Variants in TEKT5 observed in about 807,000 individuals in gnomAD.
The protein encoded by TEKT5 is tektin 5, also known as tektin-5.
TEKT5 carries 52 observed loss-of-function variants against 48.7 expected under a neutral mutation model. The ratio of observed to expected loss-of-function variants is 1.07; its 90% CI spans 0.86 to 1.35. The LOEUF (loss-of-function observed/expected upper bound fraction) is 1.35, where lower values mean the gene tolerates loss of function less well. TEKT5 is among the 40% of genes most tolerant of loss of function. The pLI is 0.00. For missense variants in TEKT5, 831 were observed against 641.6 expected, an observed-to-expected ratio of 1.30 and a Z score of -3.19; for synonymous variants, 318 against 267.6, an observed-to-expected ratio of 1.19 and a Z score of -1.84.
At chr16:10,660,258 C>A (rs1260838358) in intron 5 of TEKT5, among the ~76,000 whole-genome samples, 2 of 152,172 alleles carry the variant, frequency 1.3e-5, no homozygotes, top group African/African-American at 2.4e-5. Flanking sequence ...GGGCTCTCCT[C>A]AGTCTTTGGA....
chr16:10,676,189 G>A lies in TEKT5; in HGVS notation c.864-8C>T, dbSNP rs777066325. The A allele has an allele frequency of 6.2e-7, 1 of 1,613,818 alleles. No individual in the cohort carries two copies. Among genetic ancestry groups the A allele is most frequent in the African/African-American group, 1.3e-5 (1 of 74,930 alleles). On this transcript the variant is annotated splice_region_variant and splice_polypyrimidine_tract_variant and intron_variant, in intron 4 of 6. Coordinates refer to ENST00000283025, the MANE Select transcript of TEKT5 (RefSeq NM_144674.2). ...GTCTCAGGTACGGAGATCCTGCAAA[G>A]GCACAAGGGTGAGTTGCAGCAGTCC... is the stretch of plus-strand genomic sequence containing the variant.
In TEKT5 at chr16:10,632,869, G is replaced by GACACACACACACACACAC. The variant is rs35503579; in HGVS notation, c.1241+2877_1241+2894dup. On this transcript the variant is annotated intron_variant, in intron 6 of 6. Transcript: ENST00000283025. ...CCAAAACACAACATACACAGATGCA[G>GACACACACACACACACAC]ACACACACACACACACACACACACA... 3.9e-4 allele frequency among the ~76,000 whole-genome samples: 52 copies of GACACACACACACACACAC among 131,722 alleles called. 2 individuals carry two copies. Among genetic ancestry groups the GACACACACACACACACAC allele is most frequent in the East Asian group, 2.0e-3 (9 of 4,446 alleles). 86.4% of individuals were successfully genotyped at this position (131,722 alleles called of 152,430 possible).
chr16:10,630,125 G>A (rs1473114163), intron 6 of TEKT5, among the ~76,000 whole-genome samples: 1 of 151,612 alleles, frequency 6.6e-6, no homozygotes, highest in Non-Finnish European at 1.5e-5. Context: ...GTAGAGACAG[G>A]GTTTCACCAT....
intron 4 of TEKT5, among the ~76,000 whole-genome samples, chr16:10,679,702 C>T (rs977709364): frequency 1.3e-5 from 2 of 151,940 alleles, no homozygotes; most frequent in Non-Finnish European, 2.9e-5. Context: ...TGAGACCAGC[C>T]TGACCAACAT....
chr16:10,676,151 G>A lies in TEKT5; in HGVS notation c.894C>T (p.Phe298=), dbSNP rs1327797377. 1 of 1,614,212 alleles carries A rather than the reference G, an allele frequency of 6.2e-7. No individual in the cohort carries two copies. The highest frequency in any genetic ancestry group is 1.1e-5 in the South Asian group (1 of 91,078). ...TISVPETWAK[F]SNDNIKHSQN... Reference sequence around the variant, plus strand: ...GAGAGTGTTTGATGTTGTCGTTACTGAACTTGGCCCAGGTCTCAGGTACGG... The same window carrying A: ...GAGAGTGTTTGATGTTGTCGTTACTAAACTTGGCCCAGGTCTCAGGTACGG... The change falls in exon 5 of 7, where the codon TTC becomes TTT. Residue 298 remains phenylalanine (F), a synonymous_variant. Coordinates refer to ENST00000283025, the MANE Select transcript of TEKT5 (RefSeq NM_144674.2).
At chr16:10,637,664 A>G (rs947625903) in intron 5 of TEKT5, among the ~76,000 whole-genome samples, 9 of 152,278 alleles carry the variant, frequency 5.9e-5, no homozygotes, top group African/African-American at 2.2e-4. Flanking sequence ...ATAAACATAG[A>G]TGAAAATTCA....
intron 4 of TEKT5, among the ~76,000 whole-genome samples, chr16:10,677,969 A>T (rs779690470): frequency 6.6e-6 from 1 of 152,190 alleles, no homozygotes; most frequent in Non-Finnish European, 1.5e-5. Flanking sequence ...GCAGGCAGGG[A>T]AGGCTTCTTA....
intron 3 of TEKT5, among the ~76,000 whole-genome samples, chr16:10,688,689 T>C (rs988324953): frequency 1.3e-5 from 2 of 152,148 alleles, no homozygotes. Flanking sequence ...AAAACTTAAG[T>C]CTCCCTTTAA....
intron 5 of TEKT5, among the ~76,000 whole-genome samples, chr16:10,648,651 A>C (rs1311037161): frequency 6.6e-6 from 1 of 152,136 alleles, no homozygotes; most frequent in Admixed American, 6.6e-5. Context: ...TGGTTTTTAG[A>C]TAAGAGAAAT....
At chr16:10,628,014 A>ATT (rs5815592) in intron 6 of TEKT5, among the ~76,000 whole-genome samples, 43 of 147,684 alleles carry the variant, frequency 2.9e-4, no homozygotes, top group African/African-American at 5.2e-4. Flanking sequence ...TAATTTTTGT[A>ATT]TTTTTTTTTT....
chr16:10,668,490 G>A (rs928367648), intron 5 of TEKT5, among the ~76,000 whole-genome samples: 1 of 152,136 alleles, frequency 6.6e-6, no homozygotes, highest in Non-Finnish European at 1.5e-5. Context: ...GGAAGGAATC[G>A]GCTGCAAAGC....
At chr16:10,677,474 G>C (rs1898668750) in intron 4 of TEKT5, among the ~76,000 whole-genome samples, 1 of 146,410 alleles carries the variant, frequency 6.8e-6, no homozygotes, top group African/African-American at 2.7e-5. Context: ...GCCGGGTGTG[G>C]TGGCACACGC....
At chr16:10,634,413 C>T (rs1486913442) in intron 6 of TEKT5, among the ~76,000 whole-genome samples, 4 of 152,160 alleles carry the variant, frequency 2.6e-5, no homozygotes, top group African/African-American at 4.8e-5. Context: ...CTATGAAACC[C>T]GGTGAGCACA....
At chr16:10,669,627 G>A (rs1482317279) in intron 5 of TEKT5, among the ~76,000 whole-genome samples, 2 of 152,132 alleles carry the variant, frequency 1.3e-5, no homozygotes, top group Non-Finnish European at 2.9e-5. Flanking sequence ...TCACCTGCCA[G>A]GGTCTAGTTC....
intron 6 of TEKT5, among the ~76,000 whole-genome samples, chr16:10,628,962 T>G (rs1022396757): frequency 1.2e-4 from 18 of 148,716 alleles, no homozygotes; most frequent in African/African-American, 4.2e-4. Flanking sequence ...TGAATGAACC[T>G]TGAAAAACAT....
Position 10,658,727 on chromosome 16 carries a change from T to TC in TEKT5, c.1086+17231_1086+17232insG, listed in dbSNP as rs1555466064. Among the ~76,000 whole-genome samples the TC allele has an allele frequency of 9.7e-3, 1,393 of 143,186 alleles. 32 individuals are homozygous for TC. Among genetic ancestry groups the TC allele is most frequent in the African/African-American group, 0.031 (1,183 of 38,014 alleles). The allele number at this position is 143,186 out of a possible 152,430, so 93.9% of individuals were successfully genotyped here. A position where few individuals can be genotyped will look rare whatever the true frequency, so the allele number is the denominator to read the frequency against. ...TTAGGACTAGATATTTCTTTTTCTT[T>TC]TTTTTTTTGAGACAGAGTCTCACTC... On this transcript the variant is annotated intron_variant, in intron 5 of 6. Transcript: ENST00000283025.
At position 10,627,607 on chromosome 16, in the gene TEKT5, G is replaced by A; in HGVS notation, c.1434C>T (p.Thr478=). The A allele has an allele frequency of 1.2e-6, 2 of 1,614,174 alleles. No individual in the cohort carries two copies. The highest frequency in any genetic ancestry group is 1.7e-6 in the Non-Finnish European group (2 of 1,180,006). ...CTCAGGTGTGGCCCACCAGGCGCGG[G>A]GTGCAGGGGAAGGTCTTACGCATGC... ...CMGMRKTFPC[T]PRLVGHT Residue 478 remains threonine (T), a synonymous_variant, in exon 7 of 7, where the codon ACC becomes ACT. Transcript: ENST00000283025.
intron 5 of TEKT5, among the ~76,000 whole-genome samples, chr16:10,675,531 A>G (rs1043091967): frequency 7.2e-5 from 11 of 152,162 alleles, no homozygotes; most frequent in Admixed American, 6.5e-5. Context: ...GAACCTTTAG[A>G]CTGTTACGGT....
intron 5 of TEKT5, among the ~76,000 whole-genome samples, chr16:10,675,153 CA>C (rs1298253095): frequency 6.6e-6 from 1 of 152,132 alleles, no homozygotes; most frequent in African/African-American, 2.4e-5. Context: ...TCTGCAAACA[CA>C]AATTCAAGGC....
Sources: allele counts gnomAD v4.1 joint callset (sites outside exome capture counted in the v4.1 genomes callset), GRCh38; gene constraint gnomAD v4.1.1; transcripts MANE v1.5; gene names NCBI Gene and HGNC (gene_info 2026-07-23, HGNC 2026-07-21).